Variants in ATP2A2 observed in about 807,000 individuals in gnomAD.
The protein encoded by ATP2A2 is ATPase sarcoplasmic/endoplasmic reticulum Ca2+ transporting 2, also known as sarcoplasmic/endoplasmic reticulum calcium ATPase 2.
A neutral mutation model predicts 109.3 loss-of-function variants in ATP2A2; 14 were observed. The observed-to-expected ratio is 0.13, with a 90% CI of 0.08 to 0.20. The LOEUF is 0.20. Ranked by LOEUF, ATP2A2 falls within the 10% of genes least tolerant of loss-of-function variation. The probability of loss-of-function intolerance (pLI) is 1.00; values close to 1 mark genes in which losing one functional copy is unlikely to be tolerated. For synonymous variants in ATP2A2, 506 were observed against 490.9 expected, an observed-to-expected ratio of 1.03 and a Z score of -0.41; for missense variants, 657 against 1,321.6, an observed-to-expected ratio of 0.50 and a Z score of 7.80.
In ATP2A2 at chr12:110,347,561, AGTGTGTATGT is replaced by A. The variant is rs769054980; in HGVS notation, c.*1108_*1117del. On this transcript the variant is annotated 3_prime_UTR_variant, in exon 20 of 20. Transcript: ENST00000539276. ...GCCTGGTATAGAGAACATAAGGGCA[AGTGTGTATGT>A]GTGTGTATGTGTGTGTTTTGTAAAA... The A allele has an allele frequency of 1.8e-4, 228 of 1,284,524 alleles. 1 individual carries two copies. Among genetic ancestry groups the A allele is most frequent in the Admixed American group, 4.2e-4 (18 of 43,314 alleles). The allele number at this position is 1,284,524 out of a possible 1,614,324, so 79.6% of individuals were successfully genotyped here. A position where few individuals can be genotyped will look rare whatever the true frequency, so the allele number is the denominator to read the frequency against.
In ATP2A2 at chr12:110,348,347, GCT is replaced by G. The variant is rs1880082497; in HGVS notation, c.*1880_*1881del. The G allele has an allele frequency of 1.2e-5, 12 of 985,386 alleles. No individual in the cohort carries two copies. The highest frequency in any genetic ancestry group is 1.4e-5 in the Non-Finnish European group (12 of 829,958). 61.0% of individuals were successfully genotyped at this position (985,386 alleles called of 1,614,324 possible). On this transcript the variant is annotated 3_prime_UTR_variant, in exon 20 of 20. Coordinates refer to ENST00000539276, the MANE Select transcript of ATP2A2 (RefSeq NM_170665.4). ...GTTAAAGCACAGTTAGTAGGACGTG[GCT>G]CTGCACAGCCCAAAAACCAGCTTAC... is the stretch of plus-strand genomic sequence containing the variant.
chr12:110,333,340 G>C, intron 10 of ATP2A2, 57 bp downstream of exon 10: 1 of 1,473,774 alleles, frequency 6.8e-7, no homozygotes, highest in Non-Finnish European at 9.5e-7. Context: ...GGTGGGGTGG[G>C]TGGAATGAAA....
Position 110,282,634 on chromosome 12 carries a change from T to G in ATP2A2, c.136+13T>G. 1 of 1,614,010 alleles carries G rather than the reference T, an allele frequency of 6.2e-7. No homozygotes were observed. Among genetic ancestry groups the G allele is most frequent in the East Asian group, 2.2e-5 (1 of 44,858 alleles). On this transcript the variant is annotated intron_variant, in intron 2 of 19. Coordinates refer to ENST00000539276, the MANE Select transcript of ATP2A2 (RefSeq NM_170665.4). ...CCGGCTGAAGAAGGTAATCTTAACA[T>G]GCTGTTTCTGTTTTTTTTCCTCTGT...
chr12:110,321,620 A>G (rs1192664359), intron 5 of ATP2A2, among the ~76,000 whole-genome samples: 2 of 152,160 alleles, frequency 1.3e-5, no homozygotes, highest in African/African-American at 4.8e-5. Flanking sequence ...TTTTTAGTAG[A>G]GACAGGTTTT....
chr12:110,333,312 G>T (rs1407801286), intron 10 of ATP2A2, 29 bp downstream of exon 10: 7 of 1,563,500 alleles, frequency 4.5e-6, no homozygotes, highest in Non-Finnish European at 5.3e-6. Context: ...TAGAAGGAAT[G>T]GCTGTTCCTA....
intron 5 of ATP2A2, among the ~76,000 whole-genome samples, chr12:110,307,881 C>T (rs964768788): frequency 2.0e-5 from 3 of 152,176 alleles, no homozygotes; most frequent in African/African-American, 7.2e-5. Flanking sequence ...TTATTTGTTG[C>T]ATTTGCTTTT....
Position 110,347,600 on chromosome 12 carries a change from G to C in ATP2A2, c.*1130G>C. ...TGTATGTGTGTGTTTTGTAAAATCT[G>C]TAAATAGCACATGACCAAATGAACA... On this transcript the variant is annotated 3_prime_UTR_variant, in exon 20 of 20. Coordinates refer to ENST00000539276, the MANE Select transcript of ATP2A2 (RefSeq NM_170665.4). 8.1e-7 allele frequency: 1 copy of C among 1,230,314 alleles called. No individual in the cohort carries two copies. The highest frequency in any genetic ancestry group is 1.0e-6 in the Non-Finnish European group (1 of 957,618). 76.2% of individuals were successfully genotyped at this position (1,230,314 alleles called of 1,614,324 possible). A position where few individuals can be genotyped will look rare whatever the true frequency, so the allele number is the denominator to read the frequency against.
chr12:110,347,300 A>T lies in ATP2A2; in HGVS notation c.*830A>T, dbSNP rs1879971147. On this transcript the variant is annotated 3_prime_UTR_variant, in exon 20 of 20. Transcript: ENST00000539276. ...CGTCATCTAGTTTTAAAAAAATAAA[A>T]CATTTTAAATGGACAGAGAAAAATA... The T allele has an allele frequency of 7.9e-7, 1 of 1,262,724 alleles. No individual in the cohort carries two copies. Among genetic ancestry groups the T allele is most frequent in the African/African-American group, 1.5e-5 (1 of 64,936 alleles). 78.2% of individuals were successfully genotyped at this position (1,262,724 alleles called of 1,614,324 possible).
At chr12:110,323,726 A>G (rs1185833609) in intron 6 of ATP2A2, among the ~76,000 whole-genome samples, 1 of 152,204 alleles carries the variant, frequency 6.6e-6, no homozygotes, top group South Asian at 2.1e-4. Flanking sequence ...GCCTAGGTCA[A>G]GGCTACAGTG....
Position 110,342,988 on chromosome 12 carries a change from CCTTGGCTTCCCAA to C in ATP2A2, c.2319-243_2319-231del, listed in dbSNP as rs759912393. ...CTGCTGAGCTCAGCCAGTCTGCCCA[CCTTGGCTTCCCAA>C]AGTGCTGGGATTACAGGCATAAGCC... On this transcript the variant is annotated intron_variant, in intron 15 of 19. Coordinates refer to ENST00000539276, the MANE Select transcript of ATP2A2 (RefSeq NM_170665.4). This position sits in a 1 kb window ranked among gnomAD's most constrained non-coding sequence, Gnocchi z 4.6. Among the ~76,000 whole-genome samples the C allele has an allele frequency of 2.0e-4, 31 of 152,152 alleles. No individual in the cohort carries two copies. The highest frequency in any genetic ancestry group is 2.9e-5 in the Non-Finnish European group (2 of 68,036).
chr12:110,296,386 T>G (rs1476427597), intron 4 of ATP2A2: 12 of 592,184 alleles, frequency 2.0e-5, no homozygotes, highest in Non-Finnish European at 3.5e-5. Context: ...TTTATCCCCT[T>G]AGCTTAATTG....
At chr12:110,295,549 T>A (rs1464093679) in intron 4 of ATP2A2, among the ~76,000 whole-genome samples, 1 of 152,214 alleles carries the variant, frequency 6.6e-6, no homozygotes, top group Non-Finnish European at 1.5e-5. Flanking sequence ...CCCAACATGA[T>A]CTTGAAGGGT....
rs1006959633 is a variant in ATP2A2, at chr12:110,345,709, C to T, written c.2742-292C>T. The stretch of plus-strand genomic sequence containing the variant: ...GACAAATGGTACCATCCAGTTAAGC[C>T]CGTGACAAAAATGGAAATTTCTAAA... On this transcript the variant is annotated intron_variant, in intron 18 of 19. Coordinates refer to ENST00000539276, the MANE Select transcript of ATP2A2 (RefSeq NM_170665.4). 4 of 572,010 alleles carry T rather than the reference C, an allele frequency of 7.0e-6. No individual in the cohort carries two copies. The African/African-American group carries it at 7.5e-5, about 11-fold the overall frequency. 35.4% of individuals were successfully genotyped at this position (572,010 alleles called of 1,614,324 possible).
At chr12:110,286,389 G>T (rs112414026) in intron 3 of ATP2A2, among the ~76,000 whole-genome samples, 2 of 152,158 alleles carry the variant, frequency 1.3e-5, no homozygotes, top group Admixed American at 6.5e-5. Context: ...TTTAATTTTT[G>T]ATTTTAAAAA....
Position 110,344,978 on chromosome 12 carries a change from A to G in ATP2A2, c.2607+7A>G, listed in dbSNP as rs1879705383. On this transcript the variant is annotated splice_region_variant and intron_variant, in intron 17 of 19. Transcript: ENST00000539276. Reference sequence around the variant, plus strand: ...AGTGTCCTTCTACCAGCTGGTACTCAGTCACCTTTCTTTCTGTACCTTACA... The same window carrying G: ...AGTGTCCTTCTACCAGCTGGTACTCGGTCACCTTTCTTTCTGTACCTTACA... 1.9e-6 allele frequency: 3 copies of G among 1,613,644 alleles called. No homozygotes were observed. Among genetic ancestry groups the G allele is most frequent in the Non-Finnish European group, 1.7e-6 (2 of 1,179,642 alleles).
rs1330015271 is a variant in ATP2A2 at position 110,301,494 on chromosome 12, G to T, written c.463+4757G>T. ...CCCCCTCTTATCCTCTGATTTGTCC[G>T]TAAGGCCACTGATTCTGTCTCCAGA... On this transcript the variant is annotated intron_variant, in intron 5 of 19. Coordinates refer to ENST00000539276, the MANE Select transcript of ATP2A2 (RefSeq NM_170665.4). 1.3e-5 allele frequency among the ~76,000 whole-genome samples: 2 copies of T among 152,034 alleles called. 1 individual carries two copies. Among genetic ancestry groups the T allele is most frequent in the South Asian group, 4.1e-4 (2 of 4,830 alleles).
intron 6 of ATP2A2, among the ~76,000 whole-genome samples, chr12:110,323,554 A>G (rs1877463117): frequency 6.6e-6 from 1 of 152,186 alleles, no homozygotes; most frequent in Non-Finnish European, 1.5e-5. Flanking sequence ...TCATGCATGT[A>G]ATTCCAACAC....
chr12:110,306,648 A>G (rs1875367777), intron 5 of ATP2A2, among the ~76,000 whole-genome samples: 1 of 152,184 alleles, frequency 6.6e-6, no homozygotes, highest in South Asian at 2.1e-4. Context: ...TTAGGATAAT[A>G]GTCTCTGGCT....
chr12:110,321,313 T>A (rs1259873952), intron 5 of ATP2A2, among the ~76,000 whole-genome samples: 1 of 152,222 alleles, frequency 6.6e-6, no homozygotes, highest in South Asian at 2.1e-4. Flanking sequence ...ACTGGTAACA[T>A]GCAATTCAGT....
Sources: gnomAD v4.1 joint callset for allele counts (sites outside exome capture counted in the v4.1 genomes callset) on GRCh38, gnomAD v4.1.1 for gene constraint, Gnocchi (gnomAD v3.1) non-coding constraint, MANE v1.5 for transcripts, NCBI Gene and HGNC (gene_info 2026-07-23, HGNC 2026-07-21) for gene names.